PCNX1: variants seen among roughly 807,000 people sequenced by gnomAD.
PCNX1 encodes pecanex 1.
In PCNX1, 78 loss-of-function variants were observed where a neutral mutation model predicts 242.2. The observed-to-expected ratio is 0.32, with a 90% CI of 0.27 to 0.39. The LOEUF (loss-of-function observed/expected upper bound fraction) is 0.39. PCNX1 is among the 10% of genes least tolerant of loss of function. The probability of loss-of-function intolerance (pLI) is 1.00; values close to 1 mark genes in which losing one functional copy is unlikely to be tolerated. For missense variants in PCNX1, 2,581 were observed against 2,856.5 expected, an observed-to-expected ratio of 0.90 and a Z score of 2.20; for synonymous variants, 1,024 against 1,032.9, an observed-to-expected ratio of 0.99 and a Z score of 0.17.
In PCNX1 at chr14:71,111,456, G is replaced by A. The variant is rs1267497214; in HGVS notation, c.*1521G>A. Reference sequence around the variant, plus strand: ...TTTTGTTTCACCCAGTATAGTCAAAGTATTACTATTTCATCATATGTCACT... The same window carrying A: ...TTTTGTTTCACCCAGTATAGTCAAAATATTACTATTTCATCATATGTCACT... On this transcript the variant is annotated 3_prime_UTR_variant, in exon 36 of 36. Coordinates refer to ENST00000304743, the MANE Select transcript of PCNX1 (RefSeq NM_014982.3). 6.6e-6 allele frequency: 1 copy of A among 152,474 alleles called. No homozygotes were observed. Among genetic ancestry groups the A allele is most frequent in the Admixed American group, 6.6e-5 (1 of 15,258 alleles). The allele number at this position is 152,474 out of a possible 1,614,324, so 9.4% of individuals were successfully genotyped here.
chr14:70,986,894 T>C (rs2059017576), intron 6 of PCNX1, among the ~76,000 whole-genome samples: 1 of 152,236 alleles, frequency 6.6e-6, no homozygotes, highest in Non-Finnish European at 1.5e-5. Flanking sequence ...ATCTTTAATA[T>C]AATATTTCAC....
intron 22 of PCNX1, 43 bp from the exon 23 acceptor site, chr14:71,050,609 A>G: frequency 7.3e-7 from 1 of 1,371,678 alleles, no homozygotes; most frequent in Non-Finnish European, 1.0e-6. Flanking sequence ...ATATCTGATA[A>G]GTTTTTTTTT....
chr14:71,066,886 G>T (rs536390367), intron 26 of PCNX1, among the ~76,000 whole-genome samples: 22 of 152,110 alleles, frequency 1.4e-4, no homozygotes, highest in Non-Finnish European at 2.4e-4. Flanking sequence ...TTTGTCATTG[G>T]TTCTGTTTAT....
At chr14:71,063,303 C>A (rs1488857643) in intron 26 of PCNX1, among the ~76,000 whole-genome samples, 2 of 152,134 alleles carry the variant, frequency 1.3e-5, no homozygotes, top group Non-Finnish European at 2.9e-5. Flanking sequence ...AATATCAAAA[C>A]CATTCTAAGC....
At chr14:70,958,327 AG>A (rs2058069348) in intron 2 of PCNX1, among the ~76,000 whole-genome samples, 1 of 152,236 alleles carries the variant, frequency 6.6e-6, no homozygotes, top group Non-Finnish European at 1.5e-5. Context: ...TATAATTATG[AG>A]ATAATTGATA....
At chr14:70,981,507 C>T (rs909713274) in intron 6 of PCNX1, among the ~76,000 whole-genome samples, 1 of 152,058 alleles carries the variant, frequency 6.6e-6, no homozygotes, top group African/African-American at 2.4e-5. Context: ...TTTTTAGTCA[C>T]GTAACAAGTG....
chr14:70,982,705 T>C (rs919831134), intron 6 of PCNX1, among the ~76,000 whole-genome samples: 15 of 152,190 alleles, frequency 9.9e-5, no homozygotes, highest in African/African-American at 3.6e-4. Context: ...AGCAAATAAA[T>C]GTTTGTATAT....
At chr14:71,068,966 C>T (rs549733533) in intron 26 of PCNX1, among the ~76,000 whole-genome samples, 7 of 152,146 alleles carry the variant, frequency 4.6e-5, no homozygotes, top group African/African-American at 1.2e-4. Context: ...CTGATAAACA[C>T]GTACTCGAGA....
chr14:70,910,061 TCCCCC>T (rs2055775610), intron 1 of PCNX1, among the ~76,000 whole-genome samples: 1 of 29,720 alleles, frequency 3.4e-5, no homozygotes, highest in Admixed American at 3.9e-4. Flanking sequence ...CTCCTCCTCC[TCCCCC>T]TCCTCCTCCT....
At chr14:70,931,578 C>T (rs1364227308) in intron 1 of PCNX1, among the ~76,000 whole-genome samples, 1 of 152,194 alleles carries the variant, frequency 6.6e-6, no homozygotes, top group Non-Finnish European at 1.5e-5. Context: ...AGGCATACTG[C>T]TTTCAAATTC....
At chr14:70,958,192 G>A (rs563812314) in intron 2 of PCNX1, among the ~76,000 whole-genome samples, 1 of 152,140 alleles carries the variant, frequency 6.6e-6, no homozygotes, top group South Asian at 2.1e-4. Context: ...GTTTACCTGA[G>A]TTCCAATATA....
chr14:70,967,599 T>C (rs958898801), intron 3 of PCNX1, among the ~76,000 whole-genome samples: 1 of 152,202 alleles, frequency 6.6e-6, no homozygotes, highest in African/African-American at 2.4e-5. Context: ...ATTTTCTCCT[T>C]ATAGTTTGTG....
intron 8 of PCNX1, among the ~76,000 whole-genome samples, chr14:71,000,934 T>C (rs1359684697): frequency 6.6e-6 from 1 of 152,228 alleles, no homozygotes; most frequent in African/African-American, 2.4e-5. Context: ...TTCAAATCTT[T>C]GCTCTACCAG....
intron 13 of PCNX1, among the ~76,000 whole-genome samples, chr14:71,025,402 GA>G (rs1444533030): frequency 6.6e-6 from 1 of 151,842 alleles, no homozygotes; most frequent in African/African-American, 2.4e-5. Context: ...GTTGTAGCCA[GA>G]AACCAGTCTT....
At chr14:70,943,669 C>T (rs924666932) in intron 1 of PCNX1, among the ~76,000 whole-genome samples, 1 of 152,130 alleles carries the variant, frequency 6.6e-6, no homozygotes, top group African/African-American at 2.4e-5. Context: ...AACGAGGAGC[C>T]AAATGTTAAT....
chr14:71,049,883 A>G (rs2060973286), intron 22 of PCNX1, among the ~76,000 whole-genome samples: 1 of 152,196 alleles, frequency 6.6e-6, no homozygotes, highest in Non-Finnish European at 1.5e-5. Flanking sequence ...TTCAGCATTG[A>G]AGAACTGTTC....
At chr14:71,028,630 T>G (rs2060299828) in intron 15 of PCNX1, 70 bp from the exon 16 acceptor site, 1 of 870,640 alleles carries the variant, frequency 1.1e-6, no homozygotes, top group Non-Finnish European at 1.8e-6. Context: ...TTAAATGCTT[T>G]TCAGTGACCT....
In PCNX1 at chr14:71,088,389, G is replaced by C. The variant is rs1443562679; in HGVS notation, c.5397G>C (p.Leu1799=). The part of the protein sequence containing the change: ...LVTLCYGLCV[L]GRRALGTASH... The stretch of plus-strand genomic sequence containing the variant: ...CTCTCTGTTATGGACTCTGTGTTCT[G>C]GGACGGAGAGCTTTGGGGACTGCAT... Residue 1799 remains leucine, a synonymous_variant, in exon 29 of 36, where the codon CTG becomes CTC. Transcript: ENST00000304743. The C allele has an allele frequency of 6.2e-7, 1 of 1,612,160 alleles. No homozygotes were observed.
chr14:70,912,430 A>G (rs949792928), intron 1 of PCNX1, among the ~76,000 whole-genome samples: 20 of 152,144 alleles, frequency 1.3e-4, no homozygotes, highest in Middle Eastern at 3.4e-3. Context: ...AACTTGATCA[A>G]TATTCCTAAC....
Sources: gnomAD v4.1 joint callset for allele counts (sites outside exome capture counted in the v4.1 genomes callset) on GRCh38, gnomAD v4.1.1 for gene constraint, MANE v1.5 for transcripts, NCBI Gene and HGNC (gene_info 2026-07-23, HGNC 2026-07-21) for gene names.